CAMK2D: variants seen among roughly 807,000 people sequenced by gnomAD.
The protein encoded by CAMK2D is calcium/calmodulin-dependent protein kinase type II subunit delta.
Under a neutral mutation model 84.0 loss-of-function variants are expected in CAMK2D, and 37 were observed. The ratio of observed to expected loss-of-function variants is 0.44; its 90% CI spans 0.34 to 0.58. The LOEUF (loss-of-function observed/expected upper bound fraction) is 0.58. CAMK2D is among the 20% of genes least tolerant of loss of function. The pLI is 0.02. For synonymous variants in CAMK2D, 202 were observed against 212.5 expected (o/e 0.95, Z 0.43); for missense variants, 448 against 652.5 (o/e 0.69, Z 3.41).
chr4:113,632,994 C>T (rs28599641), intron 3 of CAMK2D, among the ~76,000 whole-genome samples: 24,706 of 152,142 alleles, frequency 0.16, 3,417 homozygotes, highest in African/African-American at 0.35. Context: ...CTATCTGCTT[C>T]AAATGAAGGA....
intron 2 of CAMK2D, among the ~76,000 whole-genome samples, chr4:113,713,063 T>C (rs1487780920): frequency 6.6e-6 from 1 of 152,082 alleles, no homozygotes; most frequent in Non-Finnish European, 1.5e-5. Context: ...AATTTCCTCA[T>C]TTTAACCATT....
Position 113,452,872 on chromosome 4 carries a change from C to T in CAMK2D, c.*1673G>A, listed in dbSNP as rs974726484. The stretch of plus-strand genomic sequence containing the variant: ...TGTGTAATAATTATCAGAAAAGCTT[C>T]AACCCATCTACCATACATCCACTAG... On this transcript the variant is annotated 3_prime_UTR_variant, in exon 21 of 21. Transcript: ENST00000511664. 2 of 152,462 alleles carry T rather than the reference C, an allele frequency of 1.3e-5. No individual in the cohort carries two copies. The highest frequency in any genetic ancestry group is 4.8e-5 in the African/African-American group (2 of 41,408). The allele number at this position is 152,462 out of a possible 1,614,324, so 9.4% of individuals were successfully genotyped here. A position where few individuals can be genotyped will look rare whatever the true frequency, so the allele number is the denominator to read the frequency against.
At position 113,761,302 on chromosome 4, in the gene CAMK2D, C is replaced by A; in HGVS notation, c.-234G>T. The A allele has an allele frequency of 7.0e-7, 1 of 1,419,662 alleles. No homozygotes were observed. The highest frequency in any genetic ancestry group is 9.2e-7 in the Non-Finnish European group (1 of 1,090,248). The allele number at this position is 1,419,662 out of a possible 1,614,324, so 87.9% of individuals were successfully genotyped here. On this transcript the variant is annotated 5_prime_UTR_variant, in exon 1 of 21. Coordinates refer to ENST00000511664, the MANE Select transcript of CAMK2D (RefSeq NM_001321571.2). ...CAGTCCGCCGATCCTCCTCCTCCTG[C>A]GGGCCTCGCTTCCTTCTTCTCCACT...
At chr4:113,472,578 T>C (rs1358764175) in intron 16 of CAMK2D, among the ~76,000 whole-genome samples, 1 of 152,262 alleles carries the variant, frequency 6.6e-6, no homozygotes, top group East Asian at 1.9e-4. Context: ...AGATTTTGGA[T>C]TAATCAGTTC....
chr4:113,535,261 TG>T (rs1237461064), intron 7 of CAMK2D, among the ~76,000 whole-genome samples: 1 of 152,166 alleles, frequency 6.6e-6, no homozygotes, highest in African/African-American at 2.4e-5. Context: ...ACCCAATGTC[TG>T]GGACTTTCAT....
intron 2 of CAMK2D, among the ~76,000 whole-genome samples, chr4:113,723,514 G>A (rs2099537327): frequency 6.6e-6 from 1 of 152,140 alleles, no homozygotes; most frequent in African/African-American, 2.4e-5. Flanking sequence ...ATGAGTCACT[G>A]CATCCGGCCA....
chr4:113,662,846 T>C (rs2154314965), intron 2 of CAMK2D, among the ~76,000 whole-genome samples: 1 of 152,346 alleles, frequency 6.6e-6, no homozygotes, highest in East Asian at 1.9e-4. Context: ...TTTCTGGCAC[T>C]CCCTGGGTCT....
rs1592543002 is a variant in CAMK2D at position 113,653,707 on chromosome 4, G to T, written c.220+8006C>A. Among the ~76,000 whole-genome samples the T allele has an allele frequency of 2.0e-5, 3 of 151,980 alleles. No homozygotes were observed. The East Asian group carries it at 5.8e-4, about 29-fold the overall frequency. On this transcript the variant is annotated intron_variant, in intron 3 of 20. Coordinates refer to ENST00000511664, the MANE Select transcript of CAMK2D (RefSeq NM_001321571.2). ...TTCCTATGTGATTTTGTTTCCAAGGGTTCAAAAACTGGAATATTGGTACAA... is the reference window on the plus strand; with the variant it reads ...TTCCTATGTGATTTTGTTTCCAAGGTTTCAAAAACTGGAATATTGGTACAA...
chr4:113,618,529 T>C (rs2099031211), intron 3 of CAMK2D, among the ~76,000 whole-genome samples: 2 of 152,228 alleles, frequency 1.3e-5, no homozygotes, highest in African/African-American at 4.8e-5. Flanking sequence ...CCAAAGTTGA[T>C]ATGTCCTATA....
intron 5 of CAMK2D, chr4:113,548,595 C>T: frequency 1.2e-6 from 1 of 805,310 alleles, no homozygotes; most frequent in Non-Finnish European, 2.1e-6. Context: ...CACCCTCTGC[C>T]CTTTCCCCAG....
At chr4:113,751,779 A>T (rs892344331) in intron 2 of CAMK2D, among the ~76,000 whole-genome samples, 7 of 152,154 alleles carry the variant, frequency 4.6e-5, no homozygotes, top group African/African-American at 1.7e-4. Flanking sequence ...CAAAATAAAT[A>T]AATAAATAAT....
At chr4:113,693,374 T>C (rs2099393966) in intron 2 of CAMK2D, among the ~76,000 whole-genome samples, 2 of 152,170 alleles carry the variant, frequency 1.3e-5, no homozygotes, top group Admixed American at 6.6e-5. Flanking sequence ...TTTTTTAGAC[T>C]TTATTAGTGT....
intron 2 of CAMK2D, among the ~76,000 whole-genome samples, chr4:113,758,751 G>A (rs1443132282): frequency 6.6e-6 from 1 of 152,174 alleles, no homozygotes; most frequent in Non-Finnish European, 1.5e-5. Context: ...ACATGAGTCT[G>A]TGTGAAGCCT....
In CAMK2D at chr4:113,493,165, G is replaced by A. The variant is rs554961756; in HGVS notation, c.1135+7298C>T. On this transcript the variant is annotated intron_variant, in intron 16 of 20. Transcript: ENST00000511664. ...ACATTTAAAGTGAATATTGTTATGT[G>A]TGAATTTGATCCTGTCATTATGATG... 3.9e-3 allele frequency among the ~76,000 whole-genome samples: 592 copies of A among 150,412 alleles called. 5 individuals are homozygous for A. Among genetic ancestry groups the A allele is most frequent in the Middle Eastern group, 0.031 (9 of 292 alleles).
chr4:113,565,507 T>C (rs558073524), intron 4 of CAMK2D, among the ~76,000 whole-genome samples: 4 of 151,810 alleles, frequency 2.6e-5, no homozygotes, highest in African/African-American at 9.7e-5. Flanking sequence ...AAAAATCAGC[T>C]GGGCGTGGTG....
At position 113,664,624 on chromosome 4, in the gene CAMK2D, G is replaced by A. The variant is rs139631103; in HGVS notation, c.161-2852C>T. 7.8e-4 allele frequency among the ~76,000 whole-genome samples: 119 copies of A among 152,204 alleles called. 1 individual carries two copies. The East Asian group carries it at 0.021, about 27-fold the overall frequency. On this transcript the variant is annotated intron_variant, in intron 2 of 20. Transcript: ENST00000511664. The stretch of plus-strand genomic sequence containing the variant: ...CAAAGTCACCAAAGGGAAGAGTATG[G>A]TAAGCAAAAGGGCAGGTCATTATCT...
At chr4:113,584,850 T>A (rs1285323557) in intron 4 of CAMK2D, among the ~76,000 whole-genome samples, 1 of 152,196 alleles carries the variant, frequency 6.6e-6, no homozygotes, top group East Asian at 1.9e-4. Context: ...GATGCCTATC[T>A]TTTATCTTAA....
chr4:113,652,481 G>A lies in CAMK2D; in HGVS notation c.220+9232C>T, dbSNP rs181922502. ...ACTGGAATAAAGGGAAAAGAGGAAT[G>A]ATTTTTAAGTGAACAAAAAGTGTTA... is the stretch of plus-strand genomic sequence containing the variant. On this transcript the variant is annotated intron_variant, in intron 3 of 20. Transcript: ENST00000511664. Among the ~76,000 whole-genome samples, 242 of 152,234 alleles carry A rather than the reference G, an allele frequency of 1.6e-3. 2 individuals are homozygous for A. The highest frequency in any genetic ancestry group is 0.015 in the South Asian group (73 of 4,828).
intron 3 of CAMK2D, among the ~76,000 whole-genome samples, chr4:113,643,176 C>T (rs1372118544): frequency 2.6e-5 from 4 of 152,178 alleles, no homozygotes; most frequent in Non-Finnish European, 4.4e-5. Context: ...CATTACATTT[C>T]TTCAATCTAT....
Sources: gnomAD v4.1 joint callset for allele counts (sites outside exome capture counted in the v4.1 genomes callset) on GRCh38, gnomAD v4.1.1 for gene constraint, MANE v1.5 for transcripts, NCBI Gene and HGNC (gene_info 2026-07-23, HGNC 2026-07-21) for gene names.